Variants in OSBPL3 observed in about 807,000 individuals in gnomAD.
OSBPL3 encodes the protein oxysterol-binding protein-related protein 3.
OSBPL3 carries 65 observed loss-of-function variants against 120.1 expected under a neutral mutation model. The observed-to-expected ratio is 0.54, with a 90% CI of 0.44 to 0.67. The LOEUF is 0.67. Ranked by LOEUF, OSBPL3 falls within the 30% of genes least tolerant of loss-of-function variation. The pLI, the probability that OSBPL3 is intolerant of heterozygous loss-of-function variation, is 0.00. For missense variants in OSBPL3, 1,004 were observed against 1,082.1 expected (o/e 0.93, Z 1.01); for synonymous variants, 416 against 402.6 (o/e 1.03, Z -0.40).
At chr7:24,812,550 G>GT (rs145555827) in intron 19 of OSBPL3, among the ~76,000 whole-genome samples, 2,341 of 151,764 alleles carry the variant, frequency 0.015, 76 homozygotes, top group East Asian at 0.15. Context: ...CCTAGAGTTG[G>GT]TTTTTTTTGT....
At chr7:24,969,183 C>T (rs1816732101) in intron 1 of OSBPL3, among the ~76,000 whole-genome samples, 1 of 152,206 alleles carries the variant, frequency 6.6e-6, no homozygotes, top group Non-Finnish European at 1.5e-5. Context: ...TGTCTGCCAA[C>T]CCGATAGGTG....
Position 24,804,198 on chromosome 7 carries a change from G to C in OSBPL3, c.2567+117C>G. 1 of 1,257,008 alleles carries C rather than the reference G, an allele frequency of 8.0e-7. No individual in the cohort carries two copies. The highest frequency in any genetic ancestry group is 1.1e-6 in the Non-Finnish European group (1 of 882,982). 77.9% of individuals were successfully genotyped at this position (1,257,008 alleles called of 1,614,324 possible). On this transcript the variant is annotated intron_variant, in intron 22 of 22. Transcript: ENST00000313367. This position sits in a 1 kb window ranked among gnomAD's most constrained non-coding sequence, Gnocchi z 5.4. Reference sequence around the variant, plus strand: ...GGAGCAGTACCCCCACGTGGAAGCAGGAAAAGCCTGGAGAATGCTCTTATC... The same window carrying C: ...GGAGCAGTACCCCCACGTGGAAGCACGAAAAGCCTGGAGAATGCTCTTATC...
chr7:24,885,073 C>T (rs1477269514), intron 2 of OSBPL3, among the ~76,000 whole-genome samples: 2 of 151,820 alleles, frequency 1.3e-5, no homozygotes, highest in African/African-American at 2.4e-5. Flanking sequence ...CACCTGAGGG[C>T]ATGGTGGTAC....
chr7:24,966,693 C>A lies in OSBPL3; in HGVS notation c.-150+13193G>T, dbSNP rs1816420099. Among the ~76,000 whole-genome samples, 1 of 152,156 alleles carries A rather than the reference C, an allele frequency of 6.6e-6. No homozygotes were observed. Among genetic ancestry groups the A allele is most frequent in the Non-Finnish European group, 1.5e-5 (1 of 68,036 alleles). On this transcript the variant is annotated intron_variant, in intron 1 of 22. Coordinates refer to ENST00000313367, the MANE Select transcript of OSBPL3 (RefSeq NM_015550.4). This position sits in a 1 kb window ranked among gnomAD's most constrained non-coding sequence, Gnocchi z 4.8. ...AAGAAGACACTGGCCCAGAGAAAGA[C>A]TGAGCTGAAAACCTAATTAGGGTGG... is the stretch of plus-strand genomic sequence containing the variant.
At chr7:24,850,672 A>G (rs1461219111) in intron 11 of OSBPL3, among the ~76,000 whole-genome samples, 1 of 152,224 alleles carries the variant, frequency 6.6e-6, no homozygotes, top group Non-Finnish European at 1.5e-5. Flanking sequence ...GTCTCTCTGG[A>G]GCACTAACTT....
rs965604042 is a variant in OSBPL3, at chr7:24,865,397, C to T, written c.618G>A (p.Glu206=). The T allele has an allele frequency of 6.2e-7, 1 of 1,613,512 alleles. No homozygotes were observed. Among genetic ancestry groups the T allele is most frequent in the Non-Finnish European group, 8.5e-7 (1 of 1,179,450 alleles). The change falls in exon 7 of 23, where the codon GAG becomes GAA. Residue 206 remains glutamate, a synonymous_variant. Coordinates refer to ENST00000313367, the MANE Select transcript of OSBPL3 (RefSeq NM_015550.4). The part of the protein sequence containing the change: ...GSNVSFSCGG[E]TRVPLWLQSS... ...ACTGTAACCATAATGGAACTCGTGT[C>T]TCACCACCACAAGAAAATGATACAT... is the stretch of plus-strand genomic sequence containing the variant.
At position 24,806,794 on chromosome 7, in the gene OSBPL3, C is replaced by T. The variant is rs1793098954; in HGVS notation, c.2426G>A (p.Arg809Gln). ...SKSLLPPTDT[R>Q]FRPDQRFLEE... is the part of the protein sequence containing the mutation. The stretch of plus-strand genomic sequence containing the variant: ...TCCTTACCTCTGGTCTGGCCTAAAT[C>T]GAGTGTCAGTAGGTGGCAATAAAGA... Residue 809 changes from arginine to glutamine, a missense_variant, in exon 21 of 23, where the codon CGA becomes CAA. Physicochemically the swap from Arg to Gln is conservative, Grantham distance 43 (BLOSUM62 1). This residue lies in a region of OSBPL3 where 473 missense variants were observed against 568.0 expected (regional missense o/e 0.83). Coordinates refer to ENST00000313367, the MANE Select transcript of OSBPL3 (RefSeq NM_015550.4). This position sits in a 1 kb window ranked among gnomAD's most constrained non-coding sequence, Gnocchi z 5.2. The T allele has an allele frequency of 6.2e-6, 10 of 1,613,950 alleles. No homozygotes were observed. The highest frequency in any genetic ancestry group is 8.5e-6 in the Non-Finnish European group (10 of 1,179,890).
intron 1 of OSBPL3, 68 bp downstream of exon 1, chr7:24,979,818 C>G (rs907409006): frequency 3.3e-6 from 3 of 921,006 alleles, no homozygotes; most frequent in Admixed American, 6.2e-5. Flanking sequence ...AGCAGCCCTT[C>G]CGAGCCCGCG....
intron 2 of OSBPL3, among the ~76,000 whole-genome samples, chr7:24,882,161 TAC>T (rs1319725314): frequency 6.6e-6 from 1 of 152,214 alleles, no homozygotes; most frequent in East Asian, 1.9e-4. Context: ...TTTTCTTACA[TAC>T]ACAGTTTGCA....
In OSBPL3 at chr7:24,939,445, G is replaced by C. The variant is rs574801724; in HGVS notation, c.-150+40441C>G. ...TCCCATTTCCCCTTGCTATTGATTG[G>C]CTTAAGCAAGTGCATCTGAAACAAT... is the stretch of plus-strand genomic sequence containing the variant. On this transcript the variant is annotated intron_variant, in intron 1 of 22. Transcript: ENST00000313367. The surrounding 1 kb of genome is among the most constrained non-coding windows in gnomAD (Gnocchi z 4.2). Among the ~76,000 whole-genome samples the C allele has an allele frequency of 1.3e-5, 2 of 152,302 alleles. No homozygotes were observed. Among genetic ancestry groups the C allele is most frequent in the Non-Finnish European group, 2.9e-5 (2 of 68,022 alleles).
In OSBPL3 at chr7:24,834,612, C is replaced by G. The variant is rs762634078; in HGVS notation, c.1620G>C (p.Leu540=). Residue 540 remains leucine, a synonymous_variant, in exon 15 of 23, where the codon CTG becomes CTC. Coordinates refer to ENST00000313367, the MANE Select transcript of OSBPL3 (RefSeq NM_015550.4). The surrounding 1 kb of genome is among the most constrained non-coding windows in gnomAD (Gnocchi z 5.2). ...NILRNNIGKD[L]SKVAMPVELN... ...GCTCCACCGGCATGGCCACCTTGGA[C>G]AGGTCCTTCCCGATGTTGTTCCTCA... 4 of 1,614,118 alleles carry G rather than the reference C, an allele frequency of 2.5e-6. No individual in the cohort carries two copies. The African/African-American group carries it at 5.3e-5, about 22-fold the overall frequency.
Position 24,968,419 on chromosome 7 carries a change from C to A in OSBPL3, c.-150+11467G>T, listed in dbSNP as rs551118384. Among the ~76,000 whole-genome samples, 1 of 152,136 alleles carries A rather than the reference C, an allele frequency of 6.6e-6. No individual in the cohort carries two copies. The highest frequency in any genetic ancestry group is 2.1e-4 in the South Asian group (1 of 4,822). On this transcript the variant is annotated intron_variant, in intron 1 of 22. Transcript: ENST00000313367. The surrounding 1 kb of genome is among the most constrained non-coding windows in gnomAD (Gnocchi z 4.6). ...ACCAGTTTTTTTGTTTTTTTTGAGT[C>A]GGAGTCTCCCTCTGTCACCCAGACT... is the stretch of plus-strand genomic sequence containing the variant.
intron 12 of OSBPL3, among the ~76,000 whole-genome samples, chr7:24,844,441 C>A (rs1308990498): frequency 6.6e-6 from 1 of 151,542 alleles, no homozygotes; most frequent in Non-Finnish European, 1.5e-5. Context: ...TAGCCCACAA[C>A]AATTCTTCTT....
At chr7:24,861,847 C>A in intron 9 of OSBPL3, 78 bp from the exon 10 acceptor site, 22 of 839,322 alleles carry the variant, frequency 2.6e-5, no homozygotes, top group Non-Finnish European at 3.2e-5. Flanking sequence ...AAGATTGAAA[C>A]ATGGTAATAC....
Position 24,896,970 on chromosome 7 carries a change from G to A in OSBPL3, c.-149-4349C>T, listed in dbSNP as rs2128359768. On this transcript the variant is annotated intron_variant, in intron 1 of 22. Coordinates refer to ENST00000313367, the MANE Select transcript of OSBPL3 (RefSeq NM_015550.4). This position sits in a 1 kb window ranked among gnomAD's most constrained non-coding sequence, Gnocchi z 4.4. ...GCCTGTAGTCCCAGCTACTCAGGAG[G>A]CTGAGGCAGGAGAACTGCTTGAACC... Among the ~76,000 whole-genome samples, 1 of 152,142 alleles carries A rather than the reference G, an allele frequency of 6.6e-6. No homozygotes were observed. The highest frequency in any genetic ancestry group is 1.9e-4 in the East Asian group (1 of 5,148).
rs1004185462 is a variant in OSBPL3 at position 24,815,977 on chromosome 7, T to C, written c.2027+633A>G. Among the ~76,000 whole-genome samples the C allele has an allele frequency of 2.0e-5, 3 of 152,208 alleles. No individual in the cohort carries two copies. Among genetic ancestry groups the C allele is most frequent in the Non-Finnish European group, 2.9e-5 (2 of 68,028 alleles). On this transcript the variant is annotated intron_variant, in intron 18 of 22. Transcript: ENST00000313367. The surrounding 1 kb of genome is among the most constrained non-coding windows in gnomAD (Gnocchi z 5.1). ...TCCCTATCAGATCAAGGCCATACTT[T>C]TCTTAAAAGGGATTTTGATAGCAAA...
In OSBPL3 at chr7:24,825,909, T is replaced by C. The variant is rs956876482; in HGVS notation, c.1884+4859A>G. ...AGCTTTTCTGACACTGTCAAGGGTA[T>C]GCAGGTGGGTGGGTAAATGGTTAAA... On this transcript the variant is annotated intron_variant, in intron 16 of 22. Coordinates refer to ENST00000313367, the MANE Select transcript of OSBPL3 (RefSeq NM_015550.4). 2.6e-5 allele frequency among the ~76,000 whole-genome samples: 4 copies of C among 152,252 alleles called. No individual in the cohort carries two copies. In the East Asian group the frequency reaches 7.7e-4, roughly 29 times the overall value.
intron 1 of OSBPL3, among the ~76,000 whole-genome samples, chr7:24,931,155 C>A (rs972509500): frequency 6.6e-6 from 1 of 151,980 alleles, no homozygotes; most frequent in African/African-American, 2.4e-5. Flanking sequence ...TTGTGGGGCA[C>A]AGAGGGAGGA....
At chr7:24,842,245 T>G in intron 13 of OSBPL3, 34 bp downstream of exon 13, 1 of 1,602,210 alleles carries the variant, frequency 6.2e-7, no homozygotes, top group Non-Finnish European at 8.5e-7. Flanking sequence ...CAAGAGAGAT[T>G]TTTGAGGCAC....
Sources: allele counts gnomAD v4.1 joint callset (sites outside exome capture counted in the v4.1 genomes callset), GRCh38; gene constraint gnomAD v4.1.1; regional missense constraint gnomAD v4.1.1; non-coding constraint Gnocchi (gnomAD v3.1); transcripts MANE v1.5; gene names NCBI Gene and HGNC (gene_info 2026-07-23, HGNC 2026-07-21).